HEBP2: variants seen among roughly 807,000 people sequenced by gnomAD.
HEBP2 encodes heme binding protein 2, also known as heme-binding protein 2.
HEBP2 carries 27 observed loss-of-function variants against 23.1 expected under a neutral mutation model. That is an observed-to-expected ratio of 1.17 (90% CI 0.86 to 1.61). HEBP2 has a LOEUF of 1.61. HEBP2 is among the 40% of genes most tolerant of loss of function. The probability of loss-of-function intolerance (pLI) is 0.00; values close to 1 mark genes in which losing one functional copy is unlikely to be tolerated. For missense variants in HEBP2, 245 were observed against 253.8 expected (o/e 0.97, Z 0.24); for synonymous variants, 99 against 95.1 (o/e 1.04, Z -0.24).
chr6:138,408,209 A>G (rs938765798), intron 3 of HEBP2, among the ~76,000 whole-genome samples: 3 of 152,202 alleles, frequency 2.0e-5, no homozygotes, highest in Non-Finnish European at 4.4e-5. Context: ...TTTAATGTAG[A>G]TAGGCTAAGA....
At position 138,404,279 on chromosome 6, in the gene HEBP2, G is replaced by T. The variant is rs891404993; in HGVS notation, c.-217G>T. Reference sequence around the variant, plus strand: ...GCGCAACTCCGGCCGGAGCTGTCCGGGGTCGTGAGCCGGCCCCGCCTTGGT... The same window carrying T: ...GCGCAACTCCGGCCGGAGCTGTCCGTGGTCGTGAGCCGGCCCCGCCTTGGT... On this transcript the variant is annotated 5_prime_UTR_variant, in exon 1 of 4. Coordinates refer to ENST00000607197, the MANE Select transcript of HEBP2 (RefSeq NM_014320.3). 5 of 328,804 alleles carry T rather than the reference G, an allele frequency of 1.5e-5. No individual in the cohort carries two copies. Among genetic ancestry groups the T allele is most frequent in the Non-Finnish European group, 2.7e-5 (5 of 181,888 alleles). The allele number at this position is 328,804 out of a possible 1,614,324, so 20.4% of individuals were successfully genotyped here.
chr6:138,404,532 G>A lies in HEBP2; in HGVS notation c.37G>A (p.Glu13Lys). 1 of 1,300,602 alleles carries A rather than the reference G, an allele frequency of 7.7e-7. No individual in the cohort carries two copies. The highest frequency in any genetic ancestry group is 9.8e-7 in the Non-Finnish European group (1 of 1,023,680). The allele number at this position is 1,300,602 out of a possible 1,614,324, so 80.6% of individuals were successfully genotyped here. The change falls in exon 1 of 4, where the codon GAG becomes AAG. Residue 13 changes from glutamate to lysine, a missense_variant. Physicochemically the swap from Glu to Lys is moderately conservative, Grantham distance 56. Transcript: ENST00000607197. The stretch of plus-strand genomic sequence containing the variant: ...GCTCCAGCCAGACCCCGGGGCGGCC[G>A]AGGACGCGGCGGCCCAAGCTGTGGA... ...EPLQPDPGAA[E>K]DAAAQAVETP...
chr6:138,409,302 C>T (rs1358964524), intron 3 of HEBP2, among the ~76,000 whole-genome samples: 1 of 152,206 alleles, frequency 6.6e-6, no homozygotes, highest in Non-Finnish European at 1.5e-5. Flanking sequence ...AAGCATGAGC[C>T]ACCATGCACA....
chr6:138,412,094 A>G (rs1562240867), intron 3 of HEBP2: 10 of 445,414 alleles, frequency 2.2e-5, no homozygotes, highest in Admixed American at 5.0e-5. Flanking sequence ...AGAGGGAAAA[A>G]GGGGCAATGT....
At chr6:138,410,721 G>A (rs957283052) in intron 3 of HEBP2, among the ~76,000 whole-genome samples, 1 of 152,098 alleles carries the variant, frequency 6.6e-6, no homozygotes, top group Non-Finnish European at 1.5e-5. Context: ...CCTGACCTCA[G>A]GTGATCCACC....
In HEBP2 at chr6:138,414,908, T is replaced by G. The variant is rs1026455275; in HGVS notation, c.*1830T>G. 10 of 152,094 alleles carry G rather than the reference T, an allele frequency of 6.6e-5. No homozygotes were observed. The highest frequency in any genetic ancestry group is 2.4e-4 in the African/African-American group (10 of 41,394). 9.4% of individuals were successfully genotyped at this position (152,094 alleles called of 1,614,324 possible). The stretch of plus-strand genomic sequence containing the variant: ...ACTGTCTGTCCAAAAAATAAAAAAT[T>G]AGCCAAGCGTGGTGGCACACGCCTG... On this transcript the variant is annotated 3_prime_UTR_variant, in exon 4 of 4. Coordinates refer to ENST00000607197, the MANE Select transcript of HEBP2 (RefSeq NM_014320.3).
chr6:138,408,863 A>G (rs1158034272), intron 3 of HEBP2, among the ~76,000 whole-genome samples: 1 of 152,080 alleles, frequency 6.6e-6, no homozygotes, highest in East Asian at 1.9e-4. Context: ...CCATCTATTA[A>G]GTGTCTCCAG....
In HEBP2 at chr6:138,414,337, G is replaced by A. The variant is rs896361534; in HGVS notation, c.*1259G>A. On this transcript the variant is annotated 3_prime_UTR_variant, in exon 4 of 4. Coordinates refer to ENST00000607197, the MANE Select transcript of HEBP2 (RefSeq NM_014320.3). ...AGACTTTCAAAAGCATTTAGGAGTC[G>A]AGGGAGCTTTAGTTGTGGGGATGCA... 7 of 152,258 alleles carry A rather than the reference G, an allele frequency of 4.6e-5. No individual in the cohort carries two copies. The highest frequency in any genetic ancestry group is 2.6e-4 in the Admixed American group (4 of 15,280). The allele number at this position is 152,258 out of a possible 1,614,324, so 9.4% of individuals were successfully genotyped here. A position where few individuals can be genotyped will look rare whatever the true frequency, so the allele number is the denominator to read the frequency against.
intron 3 of HEBP2, among the ~76,000 whole-genome samples, chr6:138,411,441 AG>A (rs1774743451): frequency 6.6e-6 from 1 of 152,306 alleles, no homozygotes; most frequent in Non-Finnish European, 1.5e-5. Flanking sequence ...GCTAATGCAC[AG>A]GGTTCTTCCT....
chr6:138,404,624 GC>G (rs1179821464), intron 1 of HEBP2, 27 bp downstream of exon 1: 1 of 1,244,596 alleles, frequency 8.0e-7, no homozygotes, highest in East Asian at 3.2e-5. Context: ...GAGCGGAGGG[GC>G]TGGGCCCGCC....
rs558306351 is a variant in HEBP2 at position 138,421,513 on chromosome 6, T to C, written c.*8435T>C. 4.6e-5 allele frequency: 7 copies of C among 152,166 alleles called. No individual in the cohort carries two copies. In the East Asian group the frequency reaches 1.2e-3, roughly 25 times the overall value. The allele number at this position is 152,166 out of a possible 1,614,324, so 9.4% of individuals were successfully genotyped here. ...AGCAGTAATTTGTTTCTCTCCCCAC[T>C]GATAGTAAAAATAAAGTGGAAATAA... On this transcript the variant is annotated 3_prime_UTR_variant, in exon 4 of 4. Transcript: ENST00000607197.
chr6:138,404,726 C>G (rs190710702), intron 1 of HEBP2, 129 bp downstream of exon 1: 8 of 547,142 alleles, frequency 1.5e-5, no homozygotes, highest in African/African-American at 9.9e-5. Flanking sequence ...ACCCACTATG[C>G]TACGCAAACG....
chr6:138,407,800 G>A (rs143228816), intron 3 of HEBP2, among the ~76,000 whole-genome samples: 134 of 152,366 alleles, frequency 8.8e-4, no homozygotes, highest in African/African-American at 3.2e-3. Context: ...GGCACCACAT[G>A]GATGCTGCTG....
At position 138,415,881 on chromosome 6, in the gene HEBP2, A is replaced by G. The variant is rs1460354539; in HGVS notation, c.*2803A>G. The G allele has an allele frequency of 6.6e-6, 1 of 151,998 alleles. No individual in the cohort carries two copies. The highest frequency in any genetic ancestry group is 1.5e-5 in the Non-Finnish European group (1 of 68,010). The allele number at this position is 151,998 out of a possible 1,614,324, so 9.4% of individuals were successfully genotyped here. ...CCCTTCCCCATGAAGAGCTGGAACTACCCTCCCTTCCTGCCTCTTCCCTAA... is the reference window on the plus strand; with the variant it reads ...CCCTTCCCCATGAAGAGCTGGAACTGCCCTCCCTTCCTGCCTCTTCCCTAA... On this transcript the variant is annotated 3_prime_UTR_variant, in exon 4 of 4. Coordinates refer to ENST00000607197, the MANE Select transcript of HEBP2 (RefSeq NM_014320.3).
At position 138,413,245 on chromosome 6, in the gene HEBP2, A is replaced by G. The variant is rs1774783318; in HGVS notation, c.*167A>G. On this transcript the variant is annotated 3_prime_UTR_variant, in exon 4 of 4. Coordinates refer to ENST00000607197, the MANE Select transcript of HEBP2 (RefSeq NM_014320.3). ...TTAATGCTTGAAGTTTTATCTACAT[A>G]CACAGGTAACAGAGGACAGTAGTCT... 1.3e-5 allele frequency: 8 copies of G among 598,612 alleles called. No homozygotes were observed. The East Asian group carries it at 2.3e-4, about 17-fold the overall frequency. The allele number at this position is 598,612 out of a possible 1,614,324, so 37.1% of individuals were successfully genotyped here.
chr6:138,410,938 A>G (rs1774735646), intron 3 of HEBP2, among the ~76,000 whole-genome samples: 1 of 152,262 alleles, frequency 6.6e-6, no homozygotes, highest in African/African-American at 2.4e-5. Context: ...AGGGAACTGC[A>G]TGCCAGGAAT....
At position 138,419,646 on chromosome 6, in the gene HEBP2, C is replaced by G. The variant is rs147485101; in HGVS notation, c.*6568C>G. ...ACAATACCCTGCCAAGATGTGCCAC[C>G]GTCTCCTGCACACAGTATACTTATT... On this transcript the variant is annotated 3_prime_UTR_variant, in exon 4 of 4. Coordinates refer to ENST00000607197, the MANE Select transcript of HEBP2 (RefSeq NM_014320.3). The G allele has an allele frequency of 6.6e-6, 1 of 152,016 alleles. No individual in the cohort carries two copies. Among genetic ancestry groups the G allele is most frequent in the Non-Finnish European group, 1.5e-5 (1 of 68,028 alleles). The allele number at this position is 152,016 out of a possible 1,614,324, so 9.4% of individuals were successfully genotyped here. A position where few individuals can be genotyped will look rare whatever the true frequency, so the allele number is the denominator to read the frequency against.
In HEBP2 at chr6:138,419,238, A is replaced by G. The variant is rs1242245463; in HGVS notation, c.*6160A>G. The G allele has an allele frequency of 3.3e-5, 5 of 152,326 alleles. No individual in the cohort carries two copies. In the East Asian group the frequency reaches 7.7e-4, roughly 23 times the overall value. 9.4% of individuals were successfully genotyped at this position (152,326 alleles called of 1,614,324 possible). On this transcript the variant is annotated 3_prime_UTR_variant, in exon 4 of 4. Transcript: ENST00000607197. ...AACTTAGACACTGCTCACTGTGACT[A>G]TCCAACCTGCCTGCAACAAATACCA...
In HEBP2 at chr6:138,420,875, G is replaced by C. The variant is rs1030463619; in HGVS notation, c.*7797G>C. The stretch of plus-strand genomic sequence containing the variant: ...CTTGAAGAATCTAAACTGGCAGTAG[G>C]ATCATGCCCCTCACTGATAGCTCAA... On this transcript the variant is annotated 3_prime_UTR_variant, in exon 4 of 4. Transcript: ENST00000607197. 6.6e-6 allele frequency: 1 copy of C among 152,182 alleles called. No individual in the cohort carries two copies. The highest frequency in any genetic ancestry group is 1.9e-4 in the East Asian group (1 of 5,196). The allele number at this position is 152,182 out of a possible 1,614,324, so 9.4% of individuals were successfully genotyped here.
Sources: gnomAD v4.1 joint callset for allele counts (sites outside exome capture counted in the v4.1 genomes callset) on GRCh38, gnomAD v4.1.1 for gene constraint, MANE v1.5 for transcripts, NCBI Gene and HGNC (gene_info 2026-07-23, HGNC 2026-07-21) for gene names.